The following RIC1 variants were observed in gnomAD, a reference collection of about 807,000 sequenced individuals.
RIC1 encodes the protein guanine nucleotide exchange factor subunit RIC1.
In RIC1, 88 loss-of-function variants were observed where a neutral mutation model predicts 169.0. The observed-to-expected ratio is 0.52, with a 90% CI of 0.44 to 0.62. The LOEUF (loss-of-function observed/expected upper bound fraction) is 0.62, where lower values mean the gene tolerates loss of function less well. Ranked by LOEUF, RIC1 falls within the 20% of genes least tolerant of loss-of-function variation. RIC1 has a pLI of 0.00. For missense variants in RIC1, 1,877 were observed against 1,725.5 expected, an observed-to-expected ratio of 1.09 and a Z score of -1.56; for synonymous variants, 790 against 601.5, an observed-to-expected ratio of 1.31 and a Z score of -4.59.
rs776428897 is a variant in RIC1 at position 5,745,917 on chromosome 9, C to G, written c.1096-14C>G. The G allele has an allele frequency of 2.5e-6, 4 of 1,604,934 alleles. No homozygotes were observed. The highest frequency in any genetic ancestry group is 4.5e-5 in the East Asian group (2 of 44,780). ...ATTGCTCTGACTTTTTTTCTCCCTC[C>G]TCTTCTCTCTAAGAGCTGGGGTGCA... On this transcript the variant is annotated splice_polypyrimidine_tract_variant and intron_variant, in intron 10 of 25. Coordinates refer to ENST00000414202, the MANE Select transcript of RIC1 (RefSeq NM_020829.4).
chr9:5,656,985 T>C (rs1426597518), intron 2 of RIC1, among the ~76,000 whole-genome samples: 1 of 152,046 alleles, frequency 6.6e-6, no homozygotes, highest in Non-Finnish European at 1.5e-5. Context: ...GCTTTACTAA[T>C]TATTCTGTGC....
intron 4 of RIC1, among the ~76,000 whole-genome samples, chr9:5,717,902 G>A (rs1270812783): frequency 6.6e-6 from 1 of 150,990 alleles, no homozygotes; most frequent in Non-Finnish European, 1.5e-5. Context: ...GCACTTTGGA[G>A]GCCAAGGTGG....
intron 4 of RIC1, among the ~76,000 whole-genome samples, chr9:5,715,379 A>C (rs1251964633): frequency 6.6e-6 from 1 of 152,184 alleles, no homozygotes; most frequent in Non-Finnish European, 1.5e-5. Flanking sequence ...CATCTTGTCC[A>C]AGTTTAACCT....
At chr9:5,753,434 C>T in intron 13 of RIC1, 102 bp from the exon 14 acceptor site, 2 of 833,720 alleles carry the variant, frequency 2.4e-6, no homozygotes, top group South Asian at 1.7e-5. Flanking sequence ...AATTAGCAAA[C>T]ATTTATTAAT....
chr9:5,690,657 A>G (rs955064667), intron 3 of RIC1, among the ~76,000 whole-genome samples: 3 of 151,774 alleles, frequency 2.0e-5, no homozygotes, highest in Non-Finnish European at 2.9e-5. Context: ...AAAGTTTAAT[A>G]GGTATATAAG....
At position 5,674,525 on chromosome 9, in the gene RIC1, A is replaced by G. The variant is rs115542935; in HGVS notation, c.253-15434A>G. ...CTCAGGACCCCAATTCACCACTCCAAAAGGGAAAAAATAAGCTGAAAGCCC... is the reference window on the plus strand; with the variant it reads ...CTCAGGACCCCAATTCACCACTCCAGAAGGGAAAAAATAAGCTGAAAGCCC... On this transcript the variant is annotated intron_variant, in intron 2 of 25. Transcript: ENST00000414202. Among the ~76,000 whole-genome samples the G allele has an allele frequency of 3.8e-3, 583 of 152,266 alleles. 2 individuals are homozygous for G. The highest frequency in any genetic ancestry group is 0.014 in the African/African-American group (569 of 41,540).
chr9:5,694,157 C>T (rs1309766700), intron 3 of RIC1, among the ~76,000 whole-genome samples: 1 of 152,180 alleles, frequency 6.6e-6, no homozygotes, highest in South Asian at 2.1e-4. Flanking sequence ...CAATTTTTAA[C>T]TTCAACACAA....
chr9:5,770,112 A>G lies in RIC1; in HGVS notation c.3450A>G (p.Gln1150=), dbSNP rs1413754869. 15 of 1,613,266 alleles carry G rather than the reference A, an allele frequency of 9.3e-6. No homozygotes were observed. The highest frequency in any genetic ancestry group is 1.3e-5 in the African/African-American group (1 of 75,024). Residue 1150 remains glutamine, a synonymous_variant, in exon 23 of 26, where the codon CAA becomes CAG. Coordinates refer to ENST00000414202, the MANE Select transcript of RIC1 (RefSeq NM_020829.4). ...TGGGAGAGCAGCTGTTAAAGTCTCA[A>G]TCAGCTGACCCATTTTTGAACCTTG... ...RTVGEQLLKS[Q]SADPFLNLEM...
chr9:5,649,643 T>A (rs1818696802), intron 1 of RIC1, among the ~76,000 whole-genome samples: 1 of 152,132 alleles, frequency 6.6e-6, no homozygotes, highest in African/African-American at 2.4e-5. Context: ...TTTAGTATTA[T>A]TTTGAATCCT....
Position 5,754,919 on chromosome 9 carries a change from C to G in RIC1, c.1681C>G (p.Arg561Gly). The change falls in exon 15 of 26, where the codon CGT (arginine) becomes GGT (glycine). Residue 561 changes from arginine to glycine, a missense_variant. Arg to Gly is a moderately radical substitution (Grantham distance 125, BLOSUM62 -2). Around this residue, in one of 3 missense-constraint regions of RIC1, gnomAD observed 1,104 missense variants for 992.0 expected, o/e 1.11. Transcript: ENST00000414202. ...MVLACYNIND[R>G]QEELRVYLRT... ...CCTTGCGTGTTATAACATAAATGAC[C>G]GTCAAGAAGAGGTAAGTTTTTTCTC... The G allele has an allele frequency of 6.5e-7, 1 of 1,531,900 alleles. No individual in the cohort carries two copies. The allele number at this position is 1,531,900 out of a possible 1,614,324, so 94.9% of individuals were successfully genotyped here.
chr9:5,657,736 T>C (rs930273604), intron 2 of RIC1, among the ~76,000 whole-genome samples: 1 of 152,106 alleles, frequency 6.6e-6, no homozygotes, highest in Non-Finnish European at 1.5e-5. Flanking sequence ...ACGCTTCCTA[T>C]AGCAGGAGTT....
In RIC1 at chr9:5,651,726, G is replaced by C. The variant is rs145026140; in HGVS notation, c.145-4857G>C. On this transcript the variant is annotated intron_variant, in intron 1 of 25. Coordinates refer to ENST00000414202, the MANE Select transcript of RIC1 (RefSeq NM_020829.4). The stretch of plus-strand genomic sequence containing the variant: ...TTACAGGTGCATGCCACCATGCCCA[G>C]CTAATTTTTGTATTTTTTTTTATTA... 2.3e-3 allele frequency among the ~76,000 whole-genome samples: 355 copies of C among 151,430 alleles called. 1 individual carries two copies. The highest frequency in any genetic ancestry group is 2.2e-3 in the Non-Finnish European group (151 of 67,924).
At chr9:5,741,999 T>A (rs1220665064) in intron 8 of RIC1, among the ~76,000 whole-genome samples, 2 of 152,306 alleles carry the variant, frequency 1.3e-5, no homozygotes, top group Admixed American at 1.3e-4. Context: ...GTATTCTCTG[T>A]TTGAACCACA....
chr9:5,746,679 C>G (rs550410107), intron 11 of RIC1, among the ~76,000 whole-genome samples: 1 of 152,240 alleles, frequency 6.6e-6, no homozygotes, highest in South Asian at 2.1e-4. Context: ...TCTTGTATTT[C>G]TATCTGAAAT....
At chr9:5,631,769 A>G (rs534490379) in intron 1 of RIC1, among the ~76,000 whole-genome samples, 1 of 151,902 alleles carries the variant, frequency 6.6e-6, no homozygotes, top group East Asian at 1.9e-4. Flanking sequence ...TGGGATACAT[A>G]TGCTAGACTC....
intron 1 of RIC1, among the ~76,000 whole-genome samples, chr9:5,635,174 CT>C (rs1310259018): frequency 1.3e-5 from 2 of 152,018 alleles, no homozygotes; most frequent in Non-Finnish European, 2.9e-5. Flanking sequence ...GAGATGTGGT[CT>C]TGCTGTGTTG....
chr9:5,640,836 C>A (rs1017271673), intron 1 of RIC1, among the ~76,000 whole-genome samples: 13 of 152,126 alleles, frequency 8.5e-5, no homozygotes, highest in African/African-American at 3.1e-4. Flanking sequence ...GTTTCTCCTT[C>A]ATGCTTGAAG....
In RIC1 at chr9:5,682,926, G is replaced by A. The variant is rs550854224; in HGVS notation, c.253-7033G>A. 3.0e-3 allele frequency among the ~76,000 whole-genome samples: 453 copies of A among 151,432 alleles called. 3 individuals are homozygous for A. Among genetic ancestry groups the A allele is most frequent in the African/African-American group, 8.7e-3 (360 of 41,286 alleles). On this transcript the variant is annotated intron_variant, in intron 2 of 25. Transcript: ENST00000414202. ...CATTTCATTCATTTCATCTTCCATC[G>A]CTGATACCCTTTCTTCCAGTTGATC...
chr9:5,629,829 G>A (rs1817631479), intron 1 of RIC1, among the ~76,000 whole-genome samples: 1 of 152,262 alleles, frequency 6.6e-6, no homozygotes, highest in Non-Finnish European at 1.5e-5. Flanking sequence ...TCCGGCCGCT[G>A]TGGTGCCCCA....
Sources: gnomAD v4.1 joint callset for allele counts (sites outside exome capture counted in the v4.1 genomes callset) on GRCh38, gnomAD v4.1.1 for gene constraint, gnomAD v4.1.1 regional missense constraint, MANE v1.5 for transcripts, NCBI Gene and HGNC (gene_info 2026-07-23, HGNC 2026-07-21) for gene names.